TFDP2: variants seen among roughly 807,000 people sequenced by gnomAD.
TFDP2 encodes transcription factor Dp-2 (E2F dimerization partner 2).
In TFDP2, 17 loss-of-function variants were observed where a neutral mutation model predicts 59.3. The ratio of observed to expected loss-of-function variants is 0.29; its 90% CI spans 0.20 to 0.43. The LOEUF (loss-of-function observed/expected upper bound fraction) is 0.43, where lower values mean the gene tolerates loss of function less well. Among genes scored for constraint, TFDP2 ranks in the 20% least tolerant of loss-of-function variants. The pLI is 1.00. For synonymous variants in TFDP2, 180 were observed against 194.7 expected, an observed-to-expected ratio of 0.92 and a Z score of 0.63; for missense variants, 391 against 528.8, an observed-to-expected ratio of 0.74 and a Z score of 2.56.
chr3:142,109,315 G>C (rs1350957620), intron 1 of TFDP2, among the ~76,000 whole-genome samples: 1 of 150,724 alleles, frequency 6.6e-6, no homozygotes, highest in Non-Finnish European at 1.5e-5. Flanking sequence ...TCACACATCT[G>C]AAATGTCAGT....
At chr3:142,132,958 A>C (rs1349250180) in intron 1 of TFDP2, among the ~76,000 whole-genome samples, 1 of 149,908 alleles carries the variant, frequency 6.7e-6, no homozygotes, top group Non-Finnish European at 1.5e-5. Context: ...TATAATGATA[A>C]TAAAAATACT....
At chr3:142,125,000 A>G (rs1195954063) in intron 1 of TFDP2, among the ~76,000 whole-genome samples, 4 of 152,144 alleles carry the variant, frequency 2.6e-5, no homozygotes, top group Non-Finnish European at 5.9e-5. Flanking sequence ...GTTTGAGACC[A>G]GTGTGGACAA....
intron 11 of TFDP2, 23 bp downstream of exon 11, chr3:141,959,651 C>T (rs1937117973): frequency 2.5e-6 from 4 of 1,605,602 alleles, no homozygotes; most frequent in Admixed American, 1.7e-5. Flanking sequence ...AGGGACAACA[C>T]ATGAAAGCAT....
At chr3:142,134,991 C>T (rs907377814) in intron 1 of TFDP2, among the ~76,000 whole-genome samples, 1 of 152,124 alleles carries the variant, frequency 6.6e-6, no homozygotes, top group Non-Finnish European at 1.5e-5. Flanking sequence ...TTCATAACAG[C>T]ATCATTAGCC....
intron 1 of TFDP2, among the ~76,000 whole-genome samples, chr3:142,137,799 T>G (rs2062791415): frequency 1.3e-5 from 2 of 152,208 alleles, no homozygotes; most frequent in Admixed American, 1.3e-4. Context: ...TACTGAGGAT[T>G]TTCGTATCAA....
intron 1 of TFDP2, among the ~76,000 whole-genome samples, chr3:142,120,950 A>G (rs944031974): frequency 6.6e-6 from 1 of 152,090 alleles, no homozygotes. Flanking sequence ...TTTGGATTGT[A>G]GAACGGAAAA....
intron 3 of TFDP2, among the ~76,000 whole-genome samples, chr3:142,039,466 A>T (rs1279594972): frequency 6.6e-6 from 1 of 152,118 alleles, no homozygotes; most frequent in Non-Finnish European, 1.5e-5. Flanking sequence ...GGCTCACTGC[A>T]GCCTCGACCT....
At chr3:141,968,943 TATAG>T (rs1279920998) in intron 9 of TFDP2, among the ~76,000 whole-genome samples, 1 of 105,226 alleles carries the variant, frequency 9.5e-6, no homozygotes, top group Non-Finnish European at 1.8e-5. Flanking sequence ...ATCTCATATA[TATAG>T]ATATATATAA....
intron 3 of TFDP2, among the ~76,000 whole-genome samples, chr3:142,020,574 TG>T (rs1945510243): frequency 1.3e-5 from 2 of 151,570 alleles, no homozygotes; most frequent in African/African-American, 4.9e-5. Flanking sequence ...ACTCAGGCTC[TG>T]TAGGTCAACA....
intron 3 of TFDP2, among the ~76,000 whole-genome samples, chr3:142,088,360 T>C (rs2060877024): frequency 6.6e-6 from 1 of 151,856 alleles, no homozygotes; most frequent in Admixed American, 6.6e-5. Flanking sequence ...AGACAGAGTT[T>C]CACTCTATCC....
intron 8 of TFDP2, among the ~76,000 whole-genome samples, chr3:141,972,649 C>T (rs1366874034): frequency 1.3e-5 from 2 of 152,170 alleles, no homozygotes; most frequent in Non-Finnish European, 2.9e-5. Context: ...GGATTATCTC[C>T]TTGGTAAAGC....
At chr3:142,052,695 AGCTGGAACTACTAG>A (rs1325427123) in intron 3 of TFDP2, among the ~76,000 whole-genome samples, 1 of 151,938 alleles carries the variant, frequency 6.6e-6, no homozygotes, top group African/African-American at 2.4e-5. Flanking sequence ...CTCCCAAAGT[AGCTGGAACTACTAG>A]GCTGGGTAGT....
At chr3:141,999,957 G>A (rs1287389643) in intron 4 of TFDP2, among the ~76,000 whole-genome samples, 2 of 152,154 alleles carry the variant, frequency 1.3e-5, no homozygotes, top group Admixed American at 1.3e-4. Flanking sequence ...GGATGGTCTC[G>A]ATCTCCTGAC....
At chr3:142,038,241 G>A (rs948251886) in intron 3 of TFDP2, among the ~76,000 whole-genome samples, 10 of 151,934 alleles carry the variant, frequency 6.6e-5, no homozygotes, top group East Asian at 3.9e-4. Flanking sequence ...AAGATTAGTC[G>A]GGAGTAGTGG....
chr3:141,962,531 G>T (rs1036775345), intron 10 of TFDP2, among the ~76,000 whole-genome samples: 4 of 151,982 alleles, frequency 2.6e-5, no homozygotes, highest in Non-Finnish European at 5.9e-5. Flanking sequence ...GCTAATTTTT[G>T]TATTTTTAGT....
chr3:142,031,783 T>A (rs1366314476), intron 3 of TFDP2, among the ~76,000 whole-genome samples: 3 of 152,224 alleles, frequency 2.0e-5, no homozygotes, highest in Non-Finnish European at 4.4e-5. Flanking sequence ...TAAGCCCATT[T>A]AACAGACACA....
At chr3:142,133,150 T>C (rs1024741691) in intron 1 of TFDP2, among the ~76,000 whole-genome samples, 4 of 150,266 alleles carry the variant, frequency 2.7e-5, no homozygotes, top group Non-Finnish European at 5.9e-5. Flanking sequence ...AATAGACAAA[T>C]TCATCAAGCT....
intron 1 of TFDP2, among the ~76,000 whole-genome samples, chr3:142,137,767 T>C (rs2062790100): frequency 6.6e-6 from 1 of 152,238 alleles, no homozygotes; most frequent in Non-Finnish European, 1.5e-5. Flanking sequence ...CATGTGCTGC[T>C]GGATTGGATT....
At chr3:142,043,498 G>C in intron 3 of TFDP2, 1 of 470,046 alleles carries the variant, frequency 2.1e-6, no homozygotes, top group East Asian at 4.3e-5. Context: ...CAAGTAGCTG[G>C]GATTACAGGC....
Sources: gnomAD v4.1 joint callset for allele counts (sites outside exome capture counted in the v4.1 genomes callset) on GRCh38, gnomAD v4.1.1 for gene constraint, MANE v1.5 for transcripts, NCBI Gene and HGNC (gene_info 2026-07-23, HGNC 2026-07-21) for gene names.